DOCK5: variants seen among roughly 807,000 people sequenced by gnomAD.
DOCK5 encodes the protein dedicator of cytokinesis protein 5.
DOCK5 carries 142 observed loss-of-function variants against 251.8 expected under a neutral mutation model. That is an observed-to-expected ratio of 0.56 (90% CI 0.49 to 0.65). The LOEUF is 0.65. DOCK5 is among the 30% of genes least tolerant of loss of function. The pLI is 0.00. For missense variants in DOCK5, 2,111 were observed against 2,312.3 expected (o/e 0.91, Z 1.79); for synonymous variants, 842 against 835.5 (o/e 1.01, Z -0.13).
At chr8:25,301,860 T>C (rs2117167850) in intron 9 of DOCK5, among the ~76,000 whole-genome samples, 1 of 152,350 alleles carries the variant, frequency 6.6e-6, no homozygotes, top group South Asian at 2.1e-4. Flanking sequence ...GCCTGTCTCA[T>C]AGTTGCCTCA....
chr8:25,236,010 C>T (rs1802789004), intron 1 of DOCK5, among the ~76,000 whole-genome samples: 1 of 152,034 alleles, frequency 6.6e-6, no homozygotes, highest in African/African-American at 2.4e-5. Flanking sequence ...GTTGGCCAGG[C>T]TGATCTTGAA....
intron 1 of DOCK5, among the ~76,000 whole-genome samples, chr8:25,204,642 C>G (rs908719896): frequency 6.6e-6 from 1 of 152,134 alleles, no homozygotes; most frequent in Non-Finnish European, 1.5e-5. Context: ...CAAAGAACCC[C>G]ATTACTTTAT....
Position 25,247,193 on chromosome 8 carries a change from G to A in DOCK5, c.127+3436G>A, listed in dbSNP as rs540822811. Among the ~76,000 whole-genome samples the A allele has an allele frequency of 1.1e-3, 160 of 152,258 alleles. 1 individual carries two copies. The highest frequency in any genetic ancestry group is 3.6e-3 in the African/African-American group (148 of 41,550). On this transcript the variant is annotated intron_variant, in intron 2 of 51. Transcript: ENST00000276440. ...GCATAAGCCATAGCACCTGGCCCAG[G>A]TGATACCTTTAAAATATTTCTTCAA...
At chr8:25,233,509 A>G (rs1427296216) in intron 1 of DOCK5, among the ~76,000 whole-genome samples, 1 of 152,204 alleles carries the variant, frequency 6.6e-6, no homozygotes, top group Non-Finnish European at 1.5e-5. Flanking sequence ...GACATGACCA[A>G]TAGTTGCTCG....
intron 2 of DOCK5, among the ~76,000 whole-genome samples, chr8:25,263,236 C>CTG (rs10630831): frequency 0.99 from 150,439 of 151,808 alleles, 74,582 homozygotes; most frequent in East Asian, 1. Context: ...TTGTTTGGGA[C>CTG]GTTGTGCTTT....
chr8:25,229,501 C>T lies in DOCK5; in HGVS notation c.44-14173C>T, dbSNP rs530022850. On this transcript the variant is annotated intron_variant, in intron 1 of 51. Transcript: ENST00000276440. ...GTATCAAAAAAAAAAAGTGCAGTTC[C>T]GGTGAATTTAAGTTTTCATTTCTTT... Among the ~76,000 whole-genome samples, 59 of 151,916 alleles carry T rather than the reference C, an allele frequency of 3.9e-4. 2 individuals are homozygous for T. The South Asian group carries it at 9.0e-3, about 23-fold the overall frequency.
chr8:25,189,500 A>C (rs1801521029), intron 1 of DOCK5, among the ~76,000 whole-genome samples: 1 of 152,126 alleles, frequency 6.6e-6, no homozygotes, highest in Non-Finnish European at 1.5e-5. Flanking sequence ...GCTGAGAGCT[A>C]CAGGTGCGTG....
At chr8:25,401,204 T>G (rs1586397342) in intron 47 of DOCK5, 138 bp downstream of exon 47, 1 of 1,241,072 alleles carries the variant, frequency 8.1e-7, no homozygotes, top group Non-Finnish European at 1.1e-6. Context: ...TGGGAGAGAG[T>G]GTGTTCCCCT....
At chr8:25,379,165 G>C (rs1801020017) in intron 38 of DOCK5, among the ~76,000 whole-genome samples, 1 of 152,144 alleles carries the variant, frequency 6.6e-6, no homozygotes, top group Non-Finnish European at 1.5e-5. Context: ...CAGAAAACAA[G>C]GTTTGAGAGC....
chr8:25,285,042 C>T (rs1804296085), intron 5 of DOCK5, among the ~76,000 whole-genome samples: 1 of 152,124 alleles, frequency 6.6e-6, no homozygotes, highest in Non-Finnish European at 1.5e-5. Context: ...GTTCGTGTAA[C>T]TTTGGAAGAC....
intron 2 of DOCK5, among the ~76,000 whole-genome samples, chr8:25,260,230 C>A (rs1803539172): frequency 1.3e-5 from 2 of 152,166 alleles, no homozygotes; most frequent in Non-Finnish European, 2.9e-5. Flanking sequence ...ACCTGGCCCA[C>A]AGGGGATGGA....
rs767858537 is a variant in DOCK5 at position 25,368,648 on chromosome 8, C to A, written c.3361C>A (p.Arg1121=). The change falls in exon 33 of 52, where the codon CGG becomes AGG. Residue 1121 remains arginine (R), a synonymous_variant. Coordinates refer to ENST00000276440, the MANE Select transcript of DOCK5 (RefSeq NM_024940.8). ...EVTLTPEVEL[R]KATIPIFFDM... ...CACTCTGACCCCTGAAGTAGAGCTC[C>A]GGAAAGCCACAATCCCCATTTTCTT... 6.2e-7 allele frequency: 1 copy of A among 1,613,832 alleles called. No individual in the cohort carries two copies. The highest frequency in any genetic ancestry group is 2.2e-5 in the East Asian group (1 of 44,858).
intron 7 of DOCK5, 33 bp downstream of exon 7, chr8:25,296,681 T>A: frequency 6.2e-7 from 1 of 1,605,354 alleles, no homozygotes; most frequent in Non-Finnish European, 8.5e-7. Flanking sequence ...TTCTGCCCAC[T>A]GAGGTTCCAT....
intron 37 of DOCK5, chr8:25,376,070 G>C (rs1800957228): frequency 9.3e-6 from 9 of 972,678 alleles, no homozygotes; most frequent in South Asian, 4.8e-5. Flanking sequence ...CCATACTCCA[G>C]CCTGGGTGAT....
At chr8:25,273,971 A>T (rs766749761) in intron 3 of DOCK5, among the ~76,000 whole-genome samples, 4 of 152,132 alleles carry the variant, frequency 2.6e-5, no homozygotes, top group Admixed American at 6.6e-5. Flanking sequence ...AGCGAGGAGG[A>T]GAAGGGATGT....
intron 8 of DOCK5, 93 bp from the exon 9 acceptor site, chr8:25,300,483 T>A: frequency 6.9e-6 from 8 of 1,163,290 alleles, no homozygotes; most frequent in Non-Finnish European, 8.5e-6. Context: ...TTTCTGGCCT[T>A]TCCTCCTTCC....
At chr8:25,243,882 A>G in intron 2 of DOCK5, 125 bp downstream of exon 2, 1 of 921,684 alleles carries the variant, frequency 1.1e-6, no homozygotes, top group Non-Finnish European at 1.7e-6. Flanking sequence ...GTAAAAATTC[A>G]GGAAGTACTT....
In DOCK5 at chr8:25,342,392, C is replaced by G; in HGVS notation, c.2511-9C>G. The G allele has an allele frequency of 6.4e-7, 1 of 1,573,820 alleles. No individual in the cohort carries two copies. The highest frequency in any genetic ancestry group is 2.3e-5 in the East Asian group (1 of 43,300). On this transcript the variant is annotated splice_polypyrimidine_tract_variant and intron_variant, in intron 24 of 51. Transcript: ENST00000276440. ...GAAGACACTACTAACCCTGAGGTTT[C>G]TCTCCCAGCGTGCTCTTCTGCAAAT...
intron 13 of DOCK5, among the ~76,000 whole-genome samples, chr8:25,311,836 C>A (rs761601364): frequency 1.3e-5 from 2 of 151,516 alleles, no homozygotes; most frequent in East Asian, 2.0e-4. Context: ...GCAGGAGAAT[C>A]GCTTGAGCCT....
Sources: allele counts gnomAD v4.1 joint callset (sites outside exome capture counted in the v4.1 genomes callset), GRCh38; gene constraint gnomAD v4.1.1; transcripts MANE v1.5; gene names NCBI Gene and HGNC (gene_info 2026-07-23, HGNC 2026-07-21).